Variants in MCM9 observed in about 807,000 individuals in gnomAD.
MCM9 encodes DNA helicase MCM9.
Under a neutral mutation model 72.8 loss-of-function variants are expected in MCM9, and 55 were observed. That is an observed-to-expected ratio of 0.76 (90% CI 0.61 to 0.95). The LOEUF (loss-of-function observed/expected upper bound fraction) is 0.95. MCM9 is among the 40% of genes least tolerant of loss of function. The probability of loss-of-function intolerance (pLI) is 0.00; values close to 1 mark genes in which losing one functional copy is unlikely to be tolerated. For synonymous variants in MCM9, 480 were observed against 503.4 expected (o/e 0.95, Z 0.62); for missense variants, 1,279 against 1,377.0 (o/e 0.93, Z 1.13).
chr6:118,825,295 T>C (rs1188969406), intron 13 of MCM9, among the ~76,000 whole-genome samples: 2 of 152,212 alleles, frequency 1.3e-5, no homozygotes, highest in Non-Finnish European at 2.9e-5. Flanking sequence ...GCAAGTTTAC[T>C]GCAGTCTGGC....
intron 10 of MCM9, 150 bp from the exon 11 acceptor site, chr6:118,828,280 A>G (rs1418334728): frequency 3.1e-6 from 2 of 640,304 alleles, no homozygotes; most frequent in Non-Finnish European, 5.4e-6. Context: ...CATAGCATAC[A>G]ATCAGCATCT....
intron 13 of MCM9, among the ~76,000 whole-genome samples, chr6:118,818,575 T>C (rs919710580): frequency 6.6e-6 from 1 of 152,208 alleles, no homozygotes; most frequent in Non-Finnish European, 1.5e-5. Context: ...GCCTCCAGCT[T>C]TGTTCTTTTT....
intron 4 of MCM9, among the ~76,000 whole-genome samples, chr6:118,923,027 C>T (rs979882849): frequency 1.0e-5 from 1 of 98,674 alleles, no homozygotes; most frequent in South Asian, 3.5e-4. Flanking sequence ...GAAACTCCAT[C>T]TCAAAAAAAA....
intron 5 of MCM9, chr6:118,919,741 A>G (rs1781282935): frequency 6.6e-6 from 1 of 152,168 alleles, no homozygotes; most frequent in African/African-American, 2.4e-5. Context: ...ACTTTTCTAC[A>G]ATCCAGTCTC....
At chr6:118,855,298 T>C (rs1025769506) in intron 9 of MCM9, among the ~76,000 whole-genome samples, 6 of 152,258 alleles carry the variant, frequency 3.9e-5, no homozygotes, top group South Asian at 2.1e-4. Context: ...ACTTCTATTG[T>C]GGACTTATCG....
chr6:118,857,441 G>A (rs1776630045), intron 8 of MCM9, among the ~76,000 whole-genome samples: 1 of 152,010 alleles, frequency 6.6e-6, no homozygotes, highest in Non-Finnish European at 1.5e-5. Context: ...TTATAGGCAA[G>A]TTTCCTAATA....
intron 8 of MCM9, among the ~76,000 whole-genome samples, chr6:118,889,724 CAT>C (rs1428157389): frequency 6.6e-6 from 1 of 152,130 alleles, no homozygotes; most frequent in Non-Finnish European, 1.5e-5. Flanking sequence ...TCAAAAACAA[CAT>C]AATGATATAC....
At chr6:118,832,305 C>T (rs1774614641) in intron 9 of MCM9, among the ~76,000 whole-genome samples, 1 of 152,154 alleles carries the variant, frequency 6.6e-6, no homozygotes, top group Non-Finnish European at 1.5e-5. Context: ...CCCAAGAATC[C>T]TCCCGCCTTG....
At chr6:118,928,682 C>CAA (rs541206060) in intron 3 of MCM9, among the ~76,000 whole-genome samples, 8 of 101,508 alleles carry the variant, frequency 7.9e-5, no homozygotes, top group Non-Finnish European at 1.5e-4. Context: ...CCCACCTCTA[C>CAA]AAAAAAAAAA....
At chr6:118,829,956 G>T (rs996036860) in intron 9 of MCM9, among the ~76,000 whole-genome samples, 2 of 152,152 alleles carry the variant, frequency 1.3e-5, no homozygotes, top group Non-Finnish European at 2.9e-5. Flanking sequence ...ATTGTGAAGG[G>T]AAGTCTGATG....
intron 8 of MCM9, chr6:118,907,488 A>C: frequency 6.2e-7 from 1 of 1,613,600 alleles, no homozygotes. Flanking sequence ...TGGAAGATGC[A>C]GAGAGCAGTA....
intron 3 of MCM9, among the ~76,000 whole-genome samples, chr6:118,926,054 A>C (rs1041319452): frequency 6.6e-6 from 1 of 152,242 alleles, no homozygotes; most frequent in Non-Finnish European, 1.5e-5. Context: ...CATAATTTCA[A>C]AAAGAAACCC....
intron 12 of MCM9, 47 bp downstream of exon 12, chr6:118,826,735 G>T (rs553590630): frequency 1.4e-6 from 2 of 1,404,522 alleles, no homozygotes; most frequent in African/African-American, 1.5e-5. Context: ...TTAAAAAAAA[G>T]AAAGTTTGTA....
chr6:118,896,041 GTTT>G (rs200142006), intron 8 of MCM9, among the ~76,000 whole-genome samples: 63 of 138,574 alleles, frequency 4.5e-4, no homozygotes, highest in African/African-American at 1.5e-3. Flanking sequence ...ATGTGCCCCC[GTTT>G]TTTTTTTTTT....
Position 118,911,064 on chromosome 6 carries a change from T to C in MCM9, c.1150+586A>G, listed in dbSNP as rs1044519958. On this transcript the variant is annotated intron_variant, in intron 8 of 13. Coordinates refer to ENST00000619706, the MANE Select transcript of MCM9 (RefSeq NM_017696.3). Reference sequence around the variant, plus strand: ...CATATTTTTTAAAATAATTTTTTTCTAAATTCCCTGGGTCACTTTATTTAT... The same window carrying C: ...CATATTTTTTAAAATAATTTTTTTCCAAATTCCCTGGGTCACTTTATTTAT... The C allele has an allele frequency of 8.0e-5, 79 of 984,114 alleles. No individual in the cohort carries two copies. The African/African-American group carries it at 1.3e-3, about 16-fold the overall frequency. The allele number at this position is 984,114 out of a possible 1,614,324, so 61.0% of individuals were successfully genotyped here.
rs535994648 is a variant in MCM9 at position 118,828,045 on chromosome 6, C to G, written c.1614G>C (p.Leu538=). The change falls in exon 11 of 14, where the codon CTG becomes CTC. Residue 538 remains leucine (L), a synonymous_variant. Coordinates refer to ENST00000619706, the MANE Select transcript of MCM9 (RefSeq NM_017696.3). ...GAAGAACCTGATTGCCCACATCAGA[C>G]AGTGTGGGCTGCAGATTCCTTATGA... ...FCLIRNLQPT[L]SDVGNQVLLR... is the part of the protein sequence containing the mutation. The G allele has an allele frequency of 1.3e-6, 2 of 1,550,658 alleles. No individual in the cohort carries two copies. The highest frequency in any genetic ancestry group is 3.9e-5 in the Admixed American group (2 of 51,012).
chr6:118,893,420 G>A (rs1779083440), intron 8 of MCM9, among the ~76,000 whole-genome samples: 1 of 152,144 alleles, frequency 6.6e-6, no homozygotes, highest in Non-Finnish European at 1.5e-5. Flanking sequence ...GTAACCTGAA[G>A]TATAACTGAT....
intron 9 of MCM9, among the ~76,000 whole-genome samples, chr6:118,846,102 A>T (rs1304307495): frequency 6.6e-6 from 1 of 150,600 alleles, no homozygotes; most frequent in Non-Finnish European, 1.5e-5. Context: ...GTTAAATAAT[A>T]TAAGAAAGAA....
chr6:118,843,688 GTA>G (rs766122361), intron 9 of MCM9, among the ~76,000 whole-genome samples: 12,627 of 63,938 alleles, frequency 0.2, 1,111 homozygotes, highest in South Asian at 0.24. Flanking sequence ...ATATATATGT[GTA>G]TATATATATA....
Sources: allele counts gnomAD v4.1 joint callset (sites outside exome capture counted in the v4.1 genomes callset), GRCh38; gene constraint gnomAD v4.1.1; transcripts MANE v1.5; gene names NCBI Gene and HGNC (gene_info 2026-07-23, HGNC 2026-07-21).